The following STIM1 variants were observed in gnomAD, a reference collection of about 807,000 sequenced individuals.
The protein encoded by STIM1 is stromal interaction molecule 1.
Under a neutral mutation model 74.7 loss-of-function variants are expected in STIM1, and 25 were observed. That is an observed-to-expected ratio of 0.33 (90% CI 0.24 to 0.47). The LOEUF (loss-of-function observed/expected upper bound fraction) is 0.47, where lower values mean the gene tolerates loss of function less well. Among genes scored for constraint, STIM1 ranks in the 20% least tolerant of loss-of-function variants. The pLI is 1.00. For missense variants in STIM1, 728 were observed against 920.8 expected (o/e 0.79, Z 2.71); for synonymous variants, 328 against 348.8 (o/e 0.94, Z 0.66).
At chr11:4,089,938 G>GCACC (rs1236540905) in intron 12 of STIM1, among the ~76,000 whole-genome samples, 1 of 152,206 alleles carries the variant, frequency 6.6e-6, no homozygotes, top group Admixed American at 6.5e-5. Flanking sequence ...GGCAGAGAGA[G>GCACC]CACCTCCATA....
At chr11:4,014,472 A>G (rs1322010738) in intron 2 of STIM1, among the ~76,000 whole-genome samples, 1 of 152,216 alleles carries the variant, frequency 6.6e-6, no homozygotes. Flanking sequence ...ACTTCCAAGT[A>G]TGTGGTCAAT....
intron 12 of STIM1, chr11:4,086,831 C>T: frequency 6.5e-7 from 1 of 1,535,506 alleles, no homozygotes; most frequent in African/African-American, 1.4e-5. Flanking sequence ...GACAGCACCG[C>T]TGTGATGCCT....
At chr11:4,007,860 C>A (rs917042892) in intron 2 of STIM1, among the ~76,000 whole-genome samples, 3 of 152,128 alleles carry the variant, frequency 2.0e-5, no homozygotes, top group African/African-American at 7.2e-5. Flanking sequence ...GGAGAGCCCA[C>A]ACCTCTTCAG....
intron 3 of STIM1, among the ~76,000 whole-genome samples, chr11:4,049,231 G>C (rs1389495315): frequency 1.3e-5 from 2 of 152,072 alleles, no homozygotes; most frequent in Non-Finnish European, 1.5e-5. Context: ...ATAAGCAAAA[G>C]GGAGAATGTA....
chr11:3,951,814 A>T (rs190224457), intron 1 of STIM1, among the ~76,000 whole-genome samples: 1 of 152,210 alleles, frequency 6.6e-6, no homozygotes, highest in East Asian at 1.9e-4. Flanking sequence ...TTTTTTGGCT[A>T]TCTCAGACCC....
At chr11:3,977,879 A>C (rs2093463605) in intron 2 of STIM1, among the ~76,000 whole-genome samples, 1 of 152,016 alleles carries the variant, frequency 6.6e-6, no homozygotes, top group South Asian at 2.1e-4. Context: ...CCTCAACATG[A>C]GGGTACAATA....
chr11:3,940,879 A>G (rs939544385), intron 1 of STIM1, among the ~76,000 whole-genome samples: 3 of 152,184 alleles, frequency 2.0e-5, no homozygotes, highest in Non-Finnish European at 2.9e-5. Flanking sequence ...TTTTTATGCC[A>G]TATGCATATA....
At chr11:4,081,357 G>C (rs551030244) in intron 7 of STIM1, among the ~76,000 whole-genome samples, 21 of 152,230 alleles carry the variant, frequency 1.4e-4, no homozygotes, top group Non-Finnish European at 2.9e-4. Flanking sequence ...AGAGAAGTCG[G>C]TTATTTCTAC....
At chr11:4,053,328 A>C (rs1308412675) in intron 3 of STIM1, among the ~76,000 whole-genome samples, 1 of 152,212 alleles carries the variant, frequency 6.6e-6, no homozygotes, top group Non-Finnish European at 1.5e-5. Flanking sequence ...CTTGGAACCA[A>C]CCCAAATGTC....
At chr11:3,867,171 G>A (rs138789385) in intron 1 of STIM1, 10 of 152,230 alleles carry the variant, frequency 6.6e-5, no homozygotes, top group African/African-American at 1.9e-4. Context: ...AGTTCTGTAG[G>A]GATTATTTTT....
intron 1 of STIM1, among the ~76,000 whole-genome samples, chr11:3,921,332 A>C (rs1378016482): frequency 6.6e-6 from 1 of 152,224 alleles, no homozygotes; most frequent in Non-Finnish European, 1.5e-5. Flanking sequence ...AGTCAGAAAA[A>C]AGGATTAAAA....
rs559933874 is a variant in STIM1, at chr11:4,033,039, G to T, written c.385+9052G>T. Among the ~76,000 whole-genome samples, 97 of 152,132 alleles carry T rather than the reference G, an allele frequency of 6.4e-4. 1 individual carries two copies. Among genetic ancestry groups the T allele is most frequent in the African/African-American group, 2.3e-3 (95 of 41,472 alleles). Reference sequence around the variant, plus strand: ...CATCTTGAATTGATTTTTGTATAAGGTGTAAGGAAGGGATCCAGTTTCGGC... The same window carrying T: ...CATCTTGAATTGATTTTTGTATAAGTTGTAAGGAAGGGATCCAGTTTCGGC... On this transcript the variant is annotated intron_variant, in intron 3 of 12. Coordinates refer to ENST00000526596, the MANE Select transcript of STIM1 (RefSeq NM_001382567.1).
intron 3 of STIM1, among the ~76,000 whole-genome samples, chr11:4,027,805 C>A (rs1240274812): frequency 6.6e-6 from 1 of 151,958 alleles, no homozygotes; most frequent in East Asian, 1.9e-4. Flanking sequence ...AATTTCCAGC[C>A]CCTACAGGAT....
chr11:4,020,983 G>A (rs917324205), intron 2 of STIM1, among the ~76,000 whole-genome samples: 3 of 151,940 alleles, frequency 2.0e-5, no homozygotes, highest in East Asian at 1.9e-4. Flanking sequence ...TGAGTTGTTC[G>A]AGTTCCTTAT....
At chr11:3,872,723 G>T (rs2135275844) in intron 1 of STIM1, among the ~76,000 whole-genome samples, 1 of 151,892 alleles carries the variant, frequency 6.6e-6, no homozygotes, top group South Asian at 2.1e-4. Flanking sequence ...GTGTTTCACT[G>T]TGTTAGCCAG....
rs958296443 is a variant in STIM1 at position 4,007,184 on chromosome 11, T to A, written c.271-16689T>A. Among the ~76,000 whole-genome samples, 5 of 152,276 alleles carry A rather than the reference T, an allele frequency of 3.3e-5. No homozygotes were observed. In the South Asian group the frequency reaches 1.0e-3, roughly 32 times the overall value. The stretch of plus-strand genomic sequence containing the variant: ...TGACAGCTGGTAGCTTGGCTCTTTG[T>A]AGAACTATTGAGCTGTATAGTTCTA... On this transcript the variant is annotated intron_variant, in intron 2 of 12. Coordinates refer to ENST00000526596, the MANE Select transcript of STIM1 (RefSeq NM_001382567.1).
rs549016739 is a variant in STIM1, at chr11:4,053,403, A to G, written c.386-2123A>G. ...ACACCATGGAATACTATGCAGCCATAAAAAAGGATGAATTCATGTCCTTTG... is the reference window on the plus strand; with the variant it reads ...ACACCATGGAATACTATGCAGCCATGAAAAAGGATGAATTCATGTCCTTTG... On this transcript the variant is annotated intron_variant, in intron 3 of 12. Coordinates refer to ENST00000526596, the MANE Select transcript of STIM1 (RefSeq NM_001382567.1). Among the ~76,000 whole-genome samples, 506 of 152,294 alleles carry G rather than the reference A, an allele frequency of 3.3e-3. 2 individuals carry two copies. Among genetic ancestry groups the G allele is most frequent in the Non-Finnish European group, 5.5e-3 (373 of 68,012 alleles).
intron 3 of STIM1, among the ~76,000 whole-genome samples, chr11:4,029,449 G>T (rs1468974078): frequency 2.0e-5 from 3 of 151,920 alleles, no homozygotes; most frequent in Non-Finnish European, 2.9e-5. Flanking sequence ...GTCTGCACGG[G>T]CTTTCTCCAG....
At chr11:3,904,219 A>AAAAAAAAAAAAAAAAG (rs2092420420) in intron 1 of STIM1, among the ~76,000 whole-genome samples, 1 of 142,060 alleles carries the variant, frequency 7.0e-6, no homozygotes, top group Non-Finnish European at 1.5e-5. Context: ...AAAAAAAAAA[A>AAAAAAAAAAAAAAAAG]GAAAATATAC....
Sources: gnomAD v4.1 joint callset for allele counts (sites outside exome capture counted in the v4.1 genomes callset) on GRCh38, gnomAD v4.1.1 for gene constraint, MANE v1.5 for transcripts, NCBI Gene and HGNC (gene_info 2026-07-23, HGNC 2026-07-21) for gene names.